SSB: variants seen among roughly 807,000 people sequenced by gnomAD.
The protein encoded by SSB is lupus La protein.
SSB carries 17 observed loss-of-function variants against 52.9 expected under a neutral mutation model. That is an observed-to-expected ratio of 0.32 (90% CI 0.22 to 0.48). SSB has a LOEUF of 0.48. Among genes scored for constraint, SSB ranks in the 20% least tolerant of loss-of-function variants. The pLI is 0.99. For synonymous variants in SSB, 111 were observed against 152.1 expected (o/e 0.73, Z 1.99); for missense variants, 314 against 463.6 (o/e 0.68, Z 2.96).
chr2:169,808,624 C>G (rs780677005), intron 7 of SSB, 71 bp downstream of exon 7: 158 of 1,392,422 alleles, frequency 1.1e-4, no homozygotes, highest in Non-Finnish European at 1.6e-4. Context: ...AGCTGGTGAG[C>G]TCTGAAATAG....
chr2:169,802,611 C>G (rs903917873), intron 2 of SSB, among the ~76,000 whole-genome samples: 2 of 152,184 alleles, frequency 1.3e-5, no homozygotes, highest in Non-Finnish European at 2.9e-5. Context: ...AAATCCTACT[C>G]TTCTGAGGTT....
intron 4 of SSB, 86 bp downstream of exon 4, chr2:169,805,925 T>C: frequency 8.0e-7 from 1 of 1,244,876 alleles, no homozygotes; most frequent in Non-Finnish European, 1.1e-6. Context: ...AATCACAGCC[T>C]CACTAATTAC....
chr2:169,808,738 A>C (rs1689880702), intron 7 of SSB, 122 bp from the exon 8 acceptor site: 11 of 1,045,394 alleles, frequency 1.1e-5, no homozygotes, highest in Non-Finnish European at 1.5e-5. Flanking sequence ...ACGATCAAAA[A>C]AACCTAAGGA....
At chr2:169,807,112 T>A in intron 6 of SSB, 41 bp downstream of exon 6, 1 of 1,524,198 alleles carries the variant, frequency 6.6e-7, no homozygotes, top group Non-Finnish European at 9.1e-7. Context: ...CTTTTACTTA[T>A]ATGGACACAC....
chr2:169,811,699 C>T lies in SSB; in HGVS notation c.1170C>T (p.Asp390=). ...TGAAAAGAGCAAGAGAAGAAACAGA[C>T]AAAGAAGAACCTGCATCCAAACAAC... The part of the protein sequence containing the change: ...GPVKRAREET[D]KEEPASKQQK... Residue 390 remains aspartate, a synonymous_variant, in exon 12 of 12, where the codon GAC becomes GAT. Coordinates refer to ENST00000260956, the MANE Select transcript of SSB (RefSeq NM_003142.5). The T allele has an allele frequency of 6.2e-7, 1 of 1,613,058 alleles. No homozygotes were observed. The highest frequency in any genetic ancestry group is 8.5e-7 in the Non-Finnish European group (1 of 1,179,518).
chr2:169,810,406 G>A lies in SSB; in HGVS notation c.793G>A (p.Val265Ile), dbSNP rs1309326051. Residue 265 changes from valine (V) to isoleucine (I), a missense_variant, in exon 9 of 12, where the codon GTC (valine) becomes ATC (isoleucine). Physicochemically the swap from Val to Ile is conservative, Grantham distance 29. Transcript: ENST00000260956. The part of the protein sequence containing the change: ...NHGEIKWIDF[V>I]RGAKEGIILF... ...TGGTGAAATAAAATGGATAGACTTC[G>A]TCAGAGGAGCAAAAGAGGTTTGGAT... is the stretch of plus-strand genomic sequence containing the variant. 5 of 1,608,094 alleles carry A rather than the reference G, an allele frequency of 3.1e-6. No homozygotes were observed. The highest frequency in any genetic ancestry group is 1.7e-5 in the Admixed American group (1 of 59,036).
At position 169,808,851 on chromosome 2, in the gene SSB, T is replaced by C; in HGVS notation, c.627-9T>C. The C allele has an allele frequency of 6.3e-7, 1 of 1,575,832 alleles. No homozygotes were observed. Among genetic ancestry groups the C allele is most frequent in the Non-Finnish European group, 8.7e-7 (1 of 1,147,184 alleles). The stretch of plus-strand genomic sequence containing the variant: ...TAGAAGTATGTTATAATTATATTTT[T>C]ATTTGTAGGGAGCAAGAAGCAAAAC... On this transcript the variant is annotated splice_polypyrimidine_tract_variant and intron_variant, in intron 7 of 11. Coordinates refer to ENST00000260956, the MANE Select transcript of SSB (RefSeq NM_003142.5).
rs971101493 is a variant in SSB, at chr2:169,810,798, G to C, written c.811-60G>C. On this transcript the variant is annotated intron_variant, in intron 9 of 11. Coordinates refer to ENST00000260956, the MANE Select transcript of SSB (RefSeq NM_003142.5). Reference sequence around the variant, plus strand: ...GGTAGAAAAAATTACTTTGGACAAAGAAATTAATTGTGGGACTAAAAACCA... The same window carrying C: ...GGTAGAAAAAATTACTTTGGACAAACAAATTAATTGTGGGACTAAAAACCA... 2.0e-5 allele frequency: 31 copies of C among 1,514,484 alleles called. No individual in the cohort carries two copies. The African/African-American group carries it at 4.2e-4, about 21-fold the overall frequency. 93.8% of individuals were successfully genotyped at this position (1,514,484 alleles called of 1,614,324 possible). A position where few individuals can be genotyped will look rare whatever the true frequency, so the allele number is the denominator to read the frequency against.
chr2:169,802,949 A>G (rs947638797), intron 2 of SSB, among the ~76,000 whole-genome samples: 1 of 152,184 alleles, frequency 6.6e-6, no homozygotes, highest in Non-Finnish European at 1.5e-5. Flanking sequence ...AGCTGTAATC[A>G]TTCTTTGACA....
chr2:169,803,791 ACAGTGGCGGTGATCT>A (rs1348067935), intron 2 of SSB, among the ~76,000 whole-genome samples: 1 of 151,816 alleles, frequency 6.6e-6, no homozygotes, highest in African/African-American at 2.4e-5. Flanking sequence ...AGGCTGGAGT[ACAGTGGCGGTGATCT>A]CAGCTCACTG....
intron 1 of SSB, among the ~76,000 whole-genome samples, chr2:169,800,383 T>C (rs1383685432): frequency 6.6e-6 from 1 of 151,796 alleles, no homozygotes; most frequent in Non-Finnish European, 1.5e-5. Flanking sequence ...ATACAAAAAT[T>C]AGTCAGCCGC....
In SSB at chr2:169,811,242, G is replaced by C; in HGVS notation, c.1057G>C (p.Gly353Arg). The C allele has an allele frequency of 1.9e-6, 3 of 1,611,716 alleles. No individual in the cohort carries two copies. Among genetic ancestry groups the C allele is most frequent in the Non-Finnish European group, 2.5e-6 (3 of 1,179,566 alleles). Residue 353 changes from glycine to arginine, a missense_variant, in exon 11 of 12, where the codon GGA becomes CGA. Transcript: ENST00000260956. ...NKAAQPGSGK[G>R]KVQFQGKKTK... ...AGCTGCCCAGCCTGGGTCTGGTAAA[G>C]GAAAAGTACAGTTTCAGGGCAAGAA...
intron 8 of SSB, among the ~76,000 whole-genome samples, chr2:169,809,676 G>T (rs1226249547): frequency 1.3e-5 from 2 of 151,638 alleles, no homozygotes; most frequent in East Asian, 3.9e-4. Context: ...GCAGTGGCGC[G>T]ATCTCGGCTC....
intron 6 of SSB, among the ~76,000 whole-genome samples, chr2:169,808,146 G>A (rs1372440376): frequency 6.6e-6 from 1 of 152,074 alleles, no homozygotes; most frequent in Non-Finnish European, 1.5e-5. Context: ...AAATCAACAT[G>A]AAATTGCTAA....
intron 2 of SSB, among the ~76,000 whole-genome samples, chr2:169,801,259 T>G (rs1247726730): frequency 6.6e-6 from 1 of 152,196 alleles, no homozygotes; most frequent in Non-Finnish European, 1.5e-5. Flanking sequence ...TTTTAAAATT[T>G]TAGTTTCATA....
intron 8 of SSB, among the ~76,000 whole-genome samples, chr2:169,809,252 A>G (rs1193929131): frequency 6.6e-6 from 1 of 152,188 alleles, no homozygotes; most frequent in African/African-American, 2.4e-5. Flanking sequence ...GTGGTGGTGC[A>G]TGCCTGTAAT....
chr2:169,808,190 T>C (rs1260250859), intron 6 of SSB, among the ~76,000 whole-genome samples: 1 of 152,102 alleles, frequency 6.6e-6, no homozygotes, highest in East Asian at 1.9e-4. Context: ...GTCATGAAAA[T>C]GTTCTGAAAT....
chr2:169,807,632 T>G (rs1415194946), intron 6 of SSB, among the ~76,000 whole-genome samples: 1 of 152,158 alleles, frequency 6.6e-6, no homozygotes, highest in Non-Finnish European at 1.5e-5. Context: ...AATACTGATT[T>G]TGCATCTAAA....
At chr2:169,810,708 T>C (rs1689932085) in intron 9 of SSB, 150 bp from the exon 10 acceptor site, 1 of 771,286 alleles carries the variant, frequency 1.3e-6, no homozygotes, top group Non-Finnish European at 2.1e-6. Context: ...TTTACTTCTG[T>C]AGCATTCCTT....
Sources: allele counts gnomAD v4.1 joint callset (sites outside exome capture counted in the v4.1 genomes callset), GRCh38; gene constraint gnomAD v4.1.1; transcripts MANE v1.5; gene names NCBI Gene and HGNC (gene_info 2026-07-23, HGNC 2026-07-21).